STK39: variants seen among roughly 807,000 people sequenced by gnomAD.
STK39 encodes STE20/SPS1-related proline-alanine-rich protein kinase.
In STK39, 20 loss-of-function variants were observed where a neutral mutation model predicts 77.8. The observed-to-expected ratio is 0.26, with a 90% CI of 0.18 to 0.37. The LOEUF (loss-of-function observed/expected upper bound fraction) is 0.37, where lower values mean the gene tolerates loss of function less well. STK39 is among the 10% of genes least tolerant of loss of function. The probability of loss-of-function intolerance (pLI) is 1.00; values close to 1 mark genes in which losing one functional copy is unlikely to be tolerated. For synonymous variants in STK39, 246 were observed against 234.1 expected, an observed-to-expected ratio of 1.05 and a Z score of -0.47; for missense variants, 479 against 656.5, an observed-to-expected ratio of 0.73 and a Z score of 2.95.
intron 14 of STK39, among the ~76,000 whole-genome samples, chr2:168,017,377 A>ATTTTTTTTTTTTTTTTTTTTTTTTTTTTT (rs386391743): frequency 2.1e-5 from 2 of 93,592 alleles, no homozygotes; most frequent in African/African-American, 4.4e-5. Flanking sequence ...GGAAACCTTA[A>ATTTTTTTTTTTTTTTTTTTTTTTTTTTTT]TTTTTTTTTT....
intron 1 of STK39, among the ~76,000 whole-genome samples, chr2:168,240,853 C>T (rs1231202106): frequency 6.6e-6 from 1 of 152,214 alleles, no homozygotes; most frequent in Non-Finnish European, 1.5e-5. Context: ...AGAAGGAAGG[C>T]ATGGCATGGA....
At chr2:168,143,583 A>C (rs926777634) in intron 5 of STK39, among the ~76,000 whole-genome samples, 1 of 152,146 alleles carries the variant, frequency 6.6e-6, no homozygotes, top group African/African-American at 2.4e-5. Context: ...GCCTGGTGGC[A>C]CGCGCCTGTA....
At chr2:167,998,638 G>C (rs995380109) in intron 16 of STK39, among the ~76,000 whole-genome samples, 1 of 152,024 alleles carries the variant, frequency 6.6e-6, no homozygotes, top group East Asian at 1.9e-4. Flanking sequence ...TTGTTTGTTT[G>C]TTTGTTTTGC....
At chr2:168,048,518 G>GGCCCGGCCCA (rs1189837152) in intron 14 of STK39, among the ~76,000 whole-genome samples, 5 of 151,832 alleles carry the variant, frequency 3.3e-5, no homozygotes, top group Non-Finnish European at 5.9e-5. Flanking sequence ...GGCCCGGCCC[G>GGCCCGGCCCA]GCCTATGCTT....
Position 168,012,686 on chromosome 2 carries a change from T to C in STK39, c.1446A>G (p.Val482=). 6.2e-7 allele frequency: 1 copy of C among 1,613,760 alleles called. No individual in the cohort carries two copies. The highest frequency in any genetic ancestry group is 8.5e-7 in the Non-Finnish European group (1 of 1,179,760). ...AGCCAGCAGAGAAGAGCTCCTGAGA[T>C]ACACCATCTGCTGTATCTGTCCAAA... ...FTPGRDTADG[V]SQELFSAGLV... Residue 482 remains valine (V), a synonymous_variant, in exon 16 of 18, where the codon GTA becomes GTG. Transcript: ENST00000355999.
intron 16 of STK39, among the ~76,000 whole-genome samples, chr2:168,002,507 T>C (rs1684026559): frequency 6.6e-6 from 1 of 151,882 alleles, no homozygotes; most frequent in Non-Finnish European, 1.5e-5. Context: ...GCACAGGGAG[T>C]GGCTGGGCTG....
chr2:168,191,155 A>T, intron 1 of STK39, among the ~76,000 whole-genome samples: 1 of 152,178 alleles, frequency 6.6e-6, no homozygotes. Flanking sequence ...CTTTGCAGCT[A>T]TAGGCACGTT....
chr2:168,118,860 A>C (rs900301128), intron 10 of STK39, among the ~76,000 whole-genome samples: 1 of 152,128 alleles, frequency 6.6e-6, no homozygotes, highest in Non-Finnish European at 1.5e-5. Context: ...TAGTGACCAA[A>C]AGCTCTTTTC....
At chr2:168,007,319 T>A (rs1389061301) in intron 16 of STK39, among the ~76,000 whole-genome samples, 1 of 152,168 alleles carries the variant, frequency 6.6e-6, no homozygotes, top group Non-Finnish European at 1.5e-5. Flanking sequence ...CAAAGTATCC[T>A]TTGTTTCTAA....
chr2:168,112,767 G>A (rs1438515124), intron 10 of STK39, among the ~76,000 whole-genome samples: 1 of 151,942 alleles, frequency 6.6e-6, no homozygotes, highest in Non-Finnish European at 1.5e-5. Context: ...ACCTCATGGC[G>A]CACATAGAAA....
intron 16 of STK39, among the ~76,000 whole-genome samples, chr2:167,994,258 C>A (rs1056147890): frequency 6.6e-6 from 1 of 152,158 alleles, no homozygotes; most frequent in African/African-American, 2.4e-5. Flanking sequence ...CAATTACCAT[C>A]TTCCTGGCTT....
chr2:168,247,544 CCCGCCG>C lies in STK39; in HGVS notation c.-115_-110del, dbSNP rs571309687. 65 of 478,800 alleles carry C rather than the reference CCCGCCG, an allele frequency of 1.4e-4. No individual in the cohort carries two copies. The highest frequency in any genetic ancestry group is 8.2e-4 in the Admixed American group (14 of 17,088). 29.7% of individuals were successfully genotyped at this position (478,800 alleles called of 1,614,324 possible). ...TCTCGGCCGGCGCACGCCCTCCCCG[CCCGCCG>C]CCGCCGCCGCCGTCCCCGCCGAAGC... is the stretch of plus-strand genomic sequence containing the variant. On this transcript the variant is annotated 5_prime_UTR_variant, in exon 1 of 18. Transcript: ENST00000355999.
At chr2:168,054,890 T>C (rs770536817) in intron 14 of STK39, among the ~76,000 whole-genome samples, 7 of 152,182 alleles carry the variant, frequency 4.6e-5, no homozygotes, top group East Asian at 1.9e-4. Flanking sequence ...TAACTACCCA[T>C]AGCTTCTTAG....
chr2:168,233,637 A>AG (rs1690517461), intron 1 of STK39, among the ~76,000 whole-genome samples: 1 of 61,348 alleles, frequency 1.6e-5, no homozygotes, highest in Non-Finnish European at 4.7e-5. Context: ...AAAGGAAAAG[A>AG]GGGACTATGA....
At chr2:168,179,435 C>T (rs1689029012) in intron 2 of STK39, among the ~76,000 whole-genome samples, 1 of 149,126 alleles carries the variant, frequency 6.7e-6, no homozygotes, top group African/African-American at 2.5e-5. Context: ...GTTGTACATC[C>T]TAAAGAACCA....
rs181182397 is a variant in STK39 at position 168,118,102 on chromosome 2, C to A, written c.1089+11439G>T. ...GGCCACCTACCGTAGGGAAGGTCAG[C>A]ACCTAGTAGGTTACCAGGATGCTCG... On this transcript the variant is annotated intron_variant, in intron 10 of 17. Coordinates refer to ENST00000355999, the MANE Select transcript of STK39 (RefSeq NM_013233.3). 5.3e-4 allele frequency among the ~76,000 whole-genome samples: 81 copies of A among 152,176 alleles called. 1 individual carries two copies. The highest frequency in any genetic ancestry group is 1.8e-4 in the Non-Finnish European group (12 of 67,998).
intron 1 of STK39, among the ~76,000 whole-genome samples, chr2:168,235,558 T>C (rs531242571): frequency 6.6e-6 from 1 of 151,716 alleles, no homozygotes; most frequent in South Asian, 2.1e-4. Context: ...TAACTCGTCA[T>C]TTAACATTAG....
chr2:167,994,094 G>T (rs1279075199), intron 16 of STK39, among the ~76,000 whole-genome samples: 2 of 152,182 alleles, frequency 1.3e-5, no homozygotes. Context: ...AACAGTTTAA[G>T]TAATGTAAAG....
chr2:168,067,019 C>T (rs906888505), intron 12 of STK39, among the ~76,000 whole-genome samples: 3 of 152,126 alleles, frequency 2.0e-5, no homozygotes, highest in African/African-American at 7.2e-5. Flanking sequence ...GCCAAGAGTT[C>T]GAGGCTAGCT....
Sources: allele counts gnomAD v4.1 joint callset (sites outside exome capture counted in the v4.1 genomes callset), GRCh38; gene constraint gnomAD v4.1.1; transcripts MANE v1.5; gene names NCBI Gene and HGNC (gene_info 2026-07-23, HGNC 2026-07-21).